COX15: variants seen among roughly 807,000 people sequenced by gnomAD.
COX15 encodes the protein heme A synthase COX15.
COX15 carries 51 observed loss-of-function variants against 51.9 expected under a neutral mutation model. The observed-to-expected ratio is 0.98, with a 90% confidence interval of 0.78 to 1.24. The LOEUF (loss-of-function observed/expected upper bound fraction) is 1.24. Ranked by LOEUF, COX15 falls within the 50% of genes most tolerant of loss-of-function variation. The probability of loss-of-function intolerance (pLI) is 0.00; values close to 1 mark genes in which losing one functional copy is unlikely to be tolerated. For missense variants in COX15, 420 were observed against 501.1 expected, an observed-to-expected ratio of 0.84 and a Z score of 1.55; for synonymous variants, 188 against 190.5, an observed-to-expected ratio of 0.99 and a Z score of 0.11.
At chr10:99,705,736 A>G in the COX15 span, 1 of 152,242 alleles carries the variant, frequency 6.6e-6, no homozygotes, top group Non-Finnish European at 1.5e-5. Flanking sequence ...TGACTCTTGG[A>G]ATGTCTGAAA....
chr10:99,729,578 C>T lies in COX15; in HGVS notation c.247G>A (p.Ala83Thr). Residue 83 changes from alanine (A) to threonine (T), a missense_variant, in exon 2 of 9, where the codon GCA becomes ACA. Ala to Thr is a moderately conservative substitution (Grantham distance 58). Coordinates refer to ENST00000016171, the MANE Select transcript of COX15 (RefSeq NM_078470.6). Reference sequence around the variant, plus strand: ...CTAGTTACTCCACCAAGAATAACTGCTCCAGCCACTGTTCCACTGCAGACC... The same window carrying T: ...CTAGTTACTCCACCAAGAATAACTGTTCCAGCCACTGTTCCACTGCAGACC... Reference protein sequence around the residue: ...LLVCSGTVAGAVILGGVTRLT... With the variant: ...LLVCSGTVAGTVILGGVTRLT... 6.2e-7 allele frequency: 1 copy of T among 1,613,846 alleles called. No homozygotes were observed. The highest frequency in any genetic ancestry group is 8.5e-7 in the Non-Finnish European group (1 of 1,180,028).
At position 99,711,132 on chromosome 10, in the gene COX15, A is replaced by G; in HGVS notation, c.*3455T>C. The stretch of plus-strand genomic sequence containing the variant: ...AAACCCTAAGATAATCATTCACCAG[A>G]AGCTCATAGATATAATACAGTTATA... On this transcript the variant is annotated 3_prime_UTR_variant, in exon 9 of 9. Coordinates refer to ENST00000016171, the MANE Select transcript of COX15 (RefSeq NM_078470.6). The G allele has an allele frequency of 3.0e-6, 3 of 985,212 alleles. No homozygotes were observed. The highest frequency in any genetic ancestry group is 3.6e-6 in the Non-Finnish European group (3 of 829,720). The allele number at this position is 985,212 out of a possible 1,614,324, so 61.0% of individuals were successfully genotyped here. A position where few individuals can be genotyped will look rare whatever the true frequency, so the allele number is the denominator to read the frequency against.
chr10:99,699,112 A>C, the COX15 span, among the ~76,000 whole-genome samples: 1 of 152,218 alleles, frequency 6.6e-6, no homozygotes, highest in Admixed American at 6.5e-5. Context: ...ACCCAGGCAT[A>C]AAATTTTTGT....
chr10:99,710,443 A>G (rs2036345459), downstream of COX15: 2 of 977,520 alleles, frequency 2.0e-6, no homozygotes. Context: ...TCTTTTTATT[A>G]TGATCTACAC....
At chr10:99,714,769 A>G (rs1564644368) in intron 8 of COX15, 51 bp from the exon 9 acceptor site, 7 of 1,608,402 alleles carry the variant, frequency 4.4e-6, no homozygotes, top group Non-Finnish European at 5.9e-6. Context: ...CAAAGTTCAC[A>G]TTGAAAATGG....
Position 99,714,432 on chromosome 10 carries a change from T to TG in COX15, c.*154dup, listed in dbSNP as rs2036501169. On this transcript the variant is annotated 3_prime_UTR_variant, in exon 9 of 9. Transcript: ENST00000016171. ...CACACTTAATGCATTCTTGATCCAGTGACTATCTCAAAACAGGAAAAGATT... is the reference window on the plus strand; with the variant it reads ...CACACTTAATGCATTCTTGATCCAGTGGACTATCTCAAAACAGGAAAAGATT... 4 of 1,506,794 alleles carry TG rather than the reference T, an allele frequency of 2.7e-6. No homozygotes were observed. The highest frequency in any genetic ancestry group is 3.5e-6 in the Non-Finnish European group (4 of 1,130,644). The allele number at this position is 1,506,794 out of a possible 1,614,324, so 93.3% of individuals were successfully genotyped here. A position where few individuals can be genotyped will look rare whatever the true frequency, so the allele number is the denominator to read the frequency against.
At chr10:99,715,639 T>TA (rs573115316) in intron 8 of COX15, among the ~76,000 whole-genome samples, 3,555 of 127,410 alleles carry the variant, frequency 0.028, 75 homozygotes, top group African/African-American at 0.063. Context: ...ACTCCATCTC[T>TA]AAAAAAAAAA....
the COX15 span, chr10:99,705,183 A>G: frequency 6.2e-6 from 1 of 160,334 alleles, no homozygotes; most frequent in Admixed American, 5.8e-5. Flanking sequence ...TTGCAGTTCA[A>G]TCGACCACAT....
chr10:99,700,090 G>A, the COX15 span, among the ~76,000 whole-genome samples: 236 of 152,066 alleles, frequency 1.6e-3, 1 homozygote, highest in African/African-American at 5.3e-3. Context: ...CGACCTTCAC[G>A]CTCCCTGTTT....
chr10:99,719,637 A>T (rs774049927), intron 6 of COX15, among the ~76,000 whole-genome samples: 1 of 151,546 alleles, frequency 6.6e-6, no homozygotes, highest in Non-Finnish European at 1.5e-5. Context: ...ACTACAGGTG[A>T]ATACCACCAC....
In COX15 at chr10:99,716,416, G is replaced by C. The variant is rs780739691; in HGVS notation, c.1033C>G (p.Arg345Gly). Residue 345 changes from arginine to glycine, a missense_variant, in exon 8 of 9, where the codon CGG (arginine) becomes GGG (glycine). Physicochemically the swap from Arg to Gly is moderately radical, Grantham distance 125. Transcript: ENST00000016171. ...GTCCTTCTAGGAAGGGGAATTCTCCGAGAGAGGAAGTAGAGCACTGTAATG... is the reference window on the plus strand; with the variant it reads ...GTCCTTCTAGGAAGGGGAATTCTCCCAGAGAGGAAGTAGAGCACTGTAATG... ...TAITVLYFLS[R>G]RIPLPRRTKM... The C allele has an allele frequency of 6.2e-7, 1 of 1,613,946 alleles. No individual in the cohort carries two copies. The highest frequency in any genetic ancestry group is 1.3e-5 in the African/African-American group (1 of 75,014).
At position 99,727,159 on chromosome 10, in the gene COX15, G is replaced by A; in HGVS notation, c.396-5C>T. On this transcript the variant is annotated splice_region_variant and splice_polypyrimidine_tract_variant and intron_variant, in intron 3 of 8. Coordinates refer to ENST00000016171, the MANE Select transcript of COX15 (RefSeq NM_078470.6). ...AGTGTCATATCATGATTCAAGCTGG[G>A]TGAAATGGAAAGTCAAAAAAGGAGG... 6.2e-7 allele frequency: 1 copy of A among 1,614,002 alleles called. No individual in the cohort carries two copies. The highest frequency in any genetic ancestry group is 8.5e-7 in the Non-Finnish European group (1 of 1,179,882).
At chr10:99,726,627 C>T (rs958247064) in intron 4 of COX15, among the ~76,000 whole-genome samples, 7 of 152,128 alleles carry the variant, frequency 4.6e-5, no homozygotes, top group South Asian at 4.1e-4. Flanking sequence ...GTGGCTCACA[C>T]CTGTAATCCC....
chr10:99,728,323 C>T (rs1248775478), intron 2 of COX15, among the ~76,000 whole-genome samples: 2 of 152,192 alleles, frequency 1.3e-5, no homozygotes, highest in Non-Finnish European at 2.9e-5. Context: ...CGGACCGAAA[C>T]ATTATCGAGT....
chr10:99,729,558 T>C lies in COX15; in HGVS notation c.267A>G (p.Val89=), dbSNP rs1245490798. The C allele has an allele frequency of 6.2e-7, 1 of 1,613,032 alleles. No homozygotes were observed. Among genetic ancestry groups the C allele is most frequent in the Non-Finnish European group, 8.5e-7 (1 of 1,179,986 alleles). ...TVAGAVILGG[V]TRLTESGLSM... ...ACTACGAGCAAATTACTTACCTAGT[T>C]ACTCCACCAAGAATAACTGCTCCAG... The change falls in exon 2 of 9, where the codon GTA becomes GTG. Residue 89 remains valine, a synonymous_variant. Transcript: ENST00000016171.
downstream of COX15, among the ~76,000 whole-genome samples, chr10:99,708,318 C>A (rs141799782): frequency 2.7e-3 from 417 of 152,300 alleles, 3 homozygotes; most frequent in African/African-American, 9.6e-3. Flanking sequence ...TTATACTTCT[C>A]ACTGATATCA....
Position 99,711,206 on chromosome 10 carries a change from TAAAAG to T in COX15, c.*3376_*3380del. On this transcript the variant is annotated 3_prime_UTR_variant, in exon 9 of 9. Coordinates refer to ENST00000016171, the MANE Select transcript of COX15 (RefSeq NM_078470.6). ...TTCCAAATGTACTCATCATCTGTAA[TAAAAG>T]AAAAATGAAGTAAAACATCTGAAAC... 1 of 985,338 alleles carries T rather than the reference TAAAAG, an allele frequency of 1.0e-6. No individual in the cohort carries two copies. Among genetic ancestry groups the T allele is most frequent in the Non-Finnish European group, 1.2e-6 (1 of 829,872 alleles). The allele number at this position is 985,338 out of a possible 1,614,324, so 61.0% of individuals were successfully genotyped here. A position where few individuals can be genotyped will look rare whatever the true frequency, so the allele number is the denominator to read the frequency against.
chr10:99,727,964 G>T (rs1231660749), intron 2 of COX15, among the ~76,000 whole-genome samples: 4 of 152,090 alleles, frequency 2.6e-5, no homozygotes, highest in Non-Finnish European at 5.9e-5. Flanking sequence ...TGAATTTAAA[G>T]ACAATAAAAT....
At chr10:99,716,605 G>C in intron 7 of COX15, 144 bp from the exon 8 acceptor site, 2 of 642,226 alleles carry the variant, frequency 3.1e-6, no homozygotes, top group Non-Finnish European at 5.8e-6. Context: ...GTCCCAGCCT[G>C]ATCACTCCTC....
Sources: gnomAD v4.1 joint callset for allele counts (sites outside exome capture counted in the v4.1 genomes callset) on GRCh38, gnomAD v4.1.1 for gene constraint, MANE v1.5 for transcripts, NCBI Gene and HGNC (gene_info 2026-07-23, HGNC 2026-07-21) for gene names.